The following KANK1 variants were observed in gnomAD, a reference collection of about 807,000 sequenced individuals.
KANK1 encodes the protein KN motif and ankyrin repeat domain-containing protein 1.
In KANK1, 109 loss-of-function variants were observed where a neutral mutation model predicts 106.2. That is an observed-to-expected ratio of 1.03 (90% CI 0.88 to 1.20). The LOEUF (loss-of-function observed/expected upper bound fraction) is 1.20. KANK1 is among the 50% of genes most tolerant of loss of function. The pLI is 0.00. For synonymous variants in KANK1, 873 were observed against 652.2 expected (o/e 1.34, Z -5.16); for missense variants, 2,399 against 1,710.7 (o/e 1.40, Z -7.10).
chr9:616,633 A>G (rs898554814), intron 1 of KANK1, among the ~76,000 whole-genome samples: 1 of 152,192 alleles, frequency 6.6e-6, no homozygotes, highest in Non-Finnish European at 1.5e-5. Flanking sequence ...ACTCATTATC[A>G]ATCAAGATAG....
chr9:688,260 G>A (rs1024333945), intron 2 of KANK1, among the ~76,000 whole-genome samples: 7 of 152,184 alleles, frequency 4.6e-5, no homozygotes, highest in Non-Finnish European at 8.8e-5. Flanking sequence ...CTCCTCTCGT[G>A]AAAGTTGTAG....
At chr9:488,092 G>A (rs538342907) in intron 3 of KANK1, among the ~76,000 whole-genome samples, 113 of 152,268 alleles carry the variant, frequency 7.4e-4, no homozygotes, top group African/African-American at 2.6e-3. Flanking sequence ...TCTATGAGGA[G>A]ATGGTCAACA....
chr9:714,909 C>G (rs948610949), intron 3 of KANK1, among the ~76,000 whole-genome samples: 1 of 152,150 alleles, frequency 6.6e-6, no homozygotes, highest in African/African-American at 2.4e-5. Context: ...CTCTCCAATT[C>G]TCATGAATCA....
At chr9:535,108 A>G (rs905371473) in intron 1 of KANK1, among the ~76,000 whole-genome samples, 6 of 152,314 alleles carry the variant, frequency 3.9e-5, no homozygotes, top group African/African-American at 1.4e-4. Context: ...GTGTTCTCAG[A>G]CTGCAGTGGG....
intron 1 of KANK1, among the ~76,000 whole-genome samples, chr9:544,240 C>T (rs1364139251): frequency 1.3e-5 from 2 of 151,874 alleles, no homozygotes; most frequent in Non-Finnish European, 1.5e-5. Context: ...AGACTGGTCT[C>T]GAACTCCTGG....
chr9:615,658 C>T (rs1831638135), intron 1 of KANK1, among the ~76,000 whole-genome samples: 2 of 152,044 alleles, frequency 1.3e-5, no homozygotes, highest in South Asian at 4.2e-4. Context: ...GTTTATTTTC[C>T]CTGGTTGGTC....
chr9:689,353 T>C (rs1819321484), intron 2 of KANK1, among the ~76,000 whole-genome samples: 1 of 152,148 alleles, frequency 6.6e-6, no homozygotes, highest in African/African-American at 2.4e-5. Context: ...TCAGATAGCA[T>C]CGTCTTCCTA....
intron 1 of KANK1, among the ~76,000 whole-genome samples, chr9:596,842 C>A (rs538380661): frequency 1.3e-5 from 2 of 151,846 alleles, no homozygotes; most frequent in Admixed American, 1.3e-4. Flanking sequence ...CTCTCTAGTT[C>A]CAAAACATTT....
chr9:740,971 CG>C, intron 9 of KANK1, 37 bp downstream of exon 9: 2 of 1,610,300 alleles, frequency 1.2e-6, no homozygotes, highest in Non-Finnish European at 1.7e-6. Flanking sequence ...GGAATGCACC[CG>C]TAACCAGCAG....
At chr9:745,145 C>A (rs1564150007) in intron 11 of KANK1, 28 bp from the exon 12 acceptor site, 1 of 1,612,008 alleles carries the variant, frequency 6.2e-7, no homozygotes, top group East Asian at 2.2e-5. Flanking sequence ...TTATTAACCC[C>A]CAGTTTTTTT....
In KANK1 at chr9:744,541, C is replaced by T. The variant is rs777332629; in HGVS notation, c.3948C>T (p.Ile1316=). 22 of 1,614,008 alleles carry T rather than the reference C, an allele frequency of 1.4e-5. No homozygotes were observed. Among genetic ancestry groups the T allele is most frequent in the African/African-American group, 1.1e-4 (8 of 74,924 alleles). The change falls in exon 11 of 12, where the codon ATC becomes ATT. Residue 1316 remains isoleucine (I), a synonymous_variant. Coordinates refer to ENST00000382297, the MANE Select transcript of KANK1 (RefSeq NM_015158.5). The part of the protein sequence containing the change: ...SIALEAGHKD[I]AVLLYAHVNF... ...CCCTGGAAGCAGGACACAAGGACAT[C>T]GCTGTTCTTCTGTATGCCCATGTCA...
At chr9:493,031 A>G (rs2058402891) in intron 3 of KANK1, among the ~76,000 whole-genome samples, 5 of 148,062 alleles carry the variant, frequency 3.4e-5, no homozygotes, top group South Asian at 4.2e-4. Context: ...TCCGTCTCAA[A>G]AAAAAAAAAA....
At chr9:543,540 C>G (rs2133895139) in intron 1 of KANK1, among the ~76,000 whole-genome samples, 1 of 135,674 alleles carries the variant, frequency 7.4e-6, no homozygotes, top group East Asian at 2.1e-4. Flanking sequence ...GCCTGGGCAA[C>G]AAGAGTGAAA....
chr9:551,578 A>G (rs147481944), intron 1 of KANK1, among the ~76,000 whole-genome samples: 379 of 152,286 alleles, frequency 2.5e-3, no homozygotes, highest in African/African-American at 8.9e-3. Context: ...GGCTGGGACA[A>G]TGGTGAGGAC....
At chr9:555,275 T>C (rs1205827706) in intron 1 of KANK1, among the ~76,000 whole-genome samples, 2 of 152,114 alleles carry the variant, frequency 1.3e-5, no homozygotes, top group Non-Finnish European at 2.9e-5. Context: ...GGTGATACGA[T>C]GACTCTATGG....
At chr9:673,363 C>T (rs1815667201) in intron 1 of KANK1, 1 of 152,180 alleles carries the variant, frequency 6.6e-6, no homozygotes, top group African/African-American at 2.4e-5. Flanking sequence ...GCGTGTACCA[C>T]CCTACCCAGC....
At chr9:514,814 C>T (rs1158181762) in intron 1 of KANK1, among the ~76,000 whole-genome samples, 1 of 151,622 alleles carries the variant, frequency 6.6e-6, no homozygotes, top group Non-Finnish European at 1.5e-5. Flanking sequence ...TCTAGGAGTG[C>T]AATTTTTGGG....
chr9:482,587 A>G (rs1245316091), intron 3 of KANK1, among the ~76,000 whole-genome samples: 1 of 152,172 alleles, frequency 6.6e-6, no homozygotes, highest in African/African-American at 2.4e-5. Flanking sequence ...ATGGATTCAA[A>G]CCCAAGTCTT....
At chr9:633,047 C>T (rs1183724661) in intron 1 of KANK1, among the ~76,000 whole-genome samples, 3 of 152,150 alleles carry the variant, frequency 2.0e-5, no homozygotes, top group African/African-American at 7.2e-5. Flanking sequence ...GGCCCCCTCC[C>T]TCCACATCTT....
Sources: gnomAD v4.1 joint callset for allele counts (sites outside exome capture counted in the v4.1 genomes callset) on GRCh38, gnomAD v4.1.1 for gene constraint, MANE v1.5 for transcripts, NCBI Gene and HGNC (gene_info 2026-07-23, HGNC 2026-07-21) for gene names.